RBFOX1: variants seen among roughly 807,000 people sequenced by gnomAD.
RBFOX1 encodes the protein RNA binding protein fox-1 homolog 1.
In RBFOX1, 8 loss-of-function variants were observed where a neutral mutation model predicts 57.7. The observed-to-expected ratio is 0.14, with a 90% CI of 0.08 to 0.25. The LOEUF (loss-of-function observed/expected upper bound fraction) is 0.25, where lower values mean the gene tolerates loss of function less well. Ranked by LOEUF, RBFOX1 falls within the 10% of genes least tolerant of loss-of-function variation. The probability of loss-of-function intolerance (pLI) is 1.00; values close to 1 mark genes in which losing one functional copy is unlikely to be tolerated. For missense variants in RBFOX1, 611 were observed against 548.5 expected (o/e 1.11, Z -1.14); for synonymous variants, 326 against 222.4 (o/e 1.47, Z -4.15).
chr16:7,245,514 G>A (rs7195406), intron 4 of RBFOX1, among the ~76,000 whole-genome samples: 33,489 of 152,046 alleles, frequency 0.22, 4,543 homozygotes, highest in African/African-American at 0.39. Flanking sequence ...GACCAACAGA[G>A]GCTATTATGA....
chr16:5,547,590 C>A (rs2045264367), intron 2 of RBFOX1, among the ~76,000 whole-genome samples: 1 of 152,068 alleles, frequency 6.6e-6, no homozygotes, highest in Non-Finnish European at 1.5e-5. Flanking sequence ...CATTTGTTGC[C>A]TGTTGACAAG....
chr16:5,849,960 C>T (rs946385109), intron 3 of RBFOX1, among the ~76,000 whole-genome samples: 5 of 152,172 alleles, frequency 3.3e-5, no homozygotes, highest in African/African-American at 7.2e-5. Flanking sequence ...TTTTCCTTTG[C>T]GGATCATCTG....
intron 1 of RBFOX1, among the ~76,000 whole-genome samples, chr16:6,293,810 T>G (rs569375822): frequency 9.3e-6 from 1 of 108,028 alleles, no homozygotes; most frequent in Non-Finnish European, 2.1e-5. Flanking sequence ...TCCAAGGAAG[T>G]GGGATGAATA....
chr16:6,297,145 T>A (rs12917674), intron 1 of RBFOX1, among the ~76,000 whole-genome samples: 4 of 152,136 alleles, frequency 2.6e-5, no homozygotes, highest in African/African-American at 9.7e-5. Flanking sequence ...AAGTCAGTGT[T>A]GTCGCCATCT....
intron 1 of RBFOX1, among the ~76,000 whole-genome samples, chr16:5,291,448 G>A (rs1317584321): frequency 6.6e-6 from 1 of 151,962 alleles, no homozygotes; most frequent in African/African-American, 2.4e-5. Flanking sequence ...TATTTTTAGT[G>A]GAGACGGGGT....
chr16:6,834,289 T>A (rs1328943922), intron 3 of RBFOX1, among the ~76,000 whole-genome samples: 1 of 152,078 alleles, frequency 6.6e-6, no homozygotes, highest in East Asian at 1.9e-4. Context: ...TTGGCCAGGC[T>A]GGTCTCAAAC....
Position 7,610,118 on chromosome 16 carries a change from C to CTTTTTTTTTTTTTTTTTTTTTTTTT in RBFOX1, c.676+2801_676+2802insTTTTTTTTTTTTTTTTTTTTTTTTT, listed in dbSNP as rs34468596. On this transcript the variant is annotated intron_variant, in intron 10 of 15. Transcript: ENST00000550418. ...GGTGTGAGCCACTGCGCCCGGCCCC[C>CTTTTTTTTTTTTTTTTTTTTTTTTT]TTTTTTTTTTTTTTTTTTTTTGAGG... Among the ~76,000 whole-genome samples the CTTTTTTTTTTTTTTTTTTTTTTTTT allele has an allele frequency of 9.1e-5, 6 of 65,614 alleles. 2 individuals are homozygous for CTTTTTTTTTTTTTTTTTTTTTTTTT. Among genetic ancestry groups the CTTTTTTTTTTTTTTTTTTTTTTTTT allele is most frequent in the Admixed American group, 2.4e-4 (1 of 4,130 alleles). 43.0% of individuals were successfully genotyped at this position (65,614 alleles called of 152,430 possible).
chr16:7,457,059 G>C (rs2058671160), intron 4 of RBFOX1, among the ~76,000 whole-genome samples: 1 of 151,954 alleles, frequency 6.6e-6, no homozygotes, highest in African/African-American at 2.4e-5. Flanking sequence ...GGCTAATTTT[G>C]TATTTTTAGT....
chr16:5,325,792 A>T (rs1019476064), intron 1 of RBFOX1, among the ~76,000 whole-genome samples: 3 of 152,214 alleles, frequency 2.0e-5, no homozygotes, highest in Admixed American at 2.0e-4. Context: ...ATTCCATTGT[A>T]TGGATATACT....
intron 4 of RBFOX1, among the ~76,000 whole-genome samples, chr16:7,208,802 C>T (rs73547539): frequency 6.6e-6 from 1 of 152,032 alleles, no homozygotes; most frequent in Non-Finnish European, 1.5e-5. Flanking sequence ...GCAGCACTTG[C>T]AATCCAGCCT....
chr16:6,934,609 T>C (rs2077069598), intron 3 of RBFOX1, among the ~76,000 whole-genome samples: 1 of 152,334 alleles, frequency 6.6e-6, no homozygotes, highest in African/African-American at 2.4e-5. Flanking sequence ...CAGATGGAAC[T>C]GGAGGTCATT....
chr16:6,074,676 A>G (rs1310334990), intron 1 of RBFOX1, among the ~76,000 whole-genome samples: 1 of 152,256 alleles, frequency 6.6e-6, no homozygotes, highest in Non-Finnish European at 1.5e-5. Flanking sequence ...AGTGAGGGTC[A>G]GTGGATGGAG....
intron 3 of RBFOX1, among the ~76,000 whole-genome samples, chr16:6,693,649 A>T (rs1221898094): frequency 1.6e-5 from 2 of 124,616 alleles, no homozygotes. Context: ...TCACCACCAC[A>T]ATCATCATCA....
At chr16:7,002,538 C>G (rs559114810) in intron 3 of RBFOX1, among the ~76,000 whole-genome samples, 2 of 152,188 alleles carry the variant, frequency 1.3e-5, no homozygotes, top group South Asian at 4.1e-4. Flanking sequence ...ATGGTGAAAC[C>G]CCGTCTCTAC....
intron 4 of RBFOX1, among the ~76,000 whole-genome samples, chr16:7,250,023 C>T (rs578210131): frequency 3.9e-5 from 6 of 152,122 alleles, no homozygotes; most frequent in Non-Finnish European, 8.8e-5. Context: ...AAAATAGAAC[C>T]TATTTGTTTT....
chr16:7,178,599 C>T (rs1015044931), intron 4 of RBFOX1, among the ~76,000 whole-genome samples: 1 of 152,178 alleles, frequency 6.6e-6, no homozygotes, highest in African/African-American at 2.4e-5. Flanking sequence ...CAGAATTTAA[C>T]CAGTTATCTA....
intron 1 of RBFOX1, among the ~76,000 whole-genome samples, chr16:6,110,606 C>T (rs2096434864): frequency 6.6e-6 from 1 of 152,134 alleles, no homozygotes; most frequent in Non-Finnish European, 1.5e-5. Flanking sequence ...ATCAATCTGC[C>T]CTAACATTGA....
At chr16:5,429,496 G>T (rs1453353058) in intron 1 of RBFOX1, among the ~76,000 whole-genome samples, 2 of 152,168 alleles carry the variant, frequency 1.3e-5, no homozygotes, top group Non-Finnish European at 2.9e-5. Flanking sequence ...ATTTTGAGGG[G>T]CCTGTGGGGT....
At chr16:6,759,493 G>C (rs928082797) in intron 3 of RBFOX1, among the ~76,000 whole-genome samples, 99 of 149,458 alleles carry the variant, frequency 6.6e-4, no homozygotes, top group Admixed American at 3.0e-3. Flanking sequence ...GTGTGTGTGT[G>C]TGTGTGTGTG....
Sources: gnomAD v4.1 joint callset for allele counts (sites outside exome capture counted in the v4.1 genomes callset) on GRCh38, gnomAD v4.1.1 for gene constraint, MANE v1.5 for transcripts, NCBI Gene and HGNC (gene_info 2026-07-23, HGNC 2026-07-21) for gene names.